Variants in ESRRB observed in about 807,000 individuals in gnomAD.
ESRRB encodes the protein estrogen related receptor beta, also known as steroid hormone receptor ERR2.
ESRRB carries 16 observed loss-of-function variants against 46.0 expected under a neutral mutation model. The ratio of observed to expected loss-of-function variants is 0.35; its 90% CI spans 0.24 to 0.53. The LOEUF is 0.53. ESRRB is among the 20% of genes least tolerant of loss of function. The probability of loss-of-function intolerance (pLI) is 0.93; values close to 1 mark genes in which losing one functional copy is unlikely to be tolerated. For synonymous variants in ESRRB, 246 were observed against 259.6 expected (o/e 0.95, Z 0.50); for missense variants, 488 against 607.4 (o/e 0.80, Z 2.07).
chr14:76,439,366 G>A lies in ESRRB; in HGVS notation c.76G>A (p.Asp26Asn), dbSNP rs748245324. The A allele has an allele frequency of 1.2e-6, 2 of 1,613,516 alleles. No homozygotes were observed. The highest frequency in any genetic ancestry group is 1.7e-5 in the Admixed American group (1 of 60,008). ...GCTGCTGAACAGGATGTCCTCGGAC[G>A]ACAGGCACCTGGGCTCCAGCTGCGG... ...NQLLNRMSSD[D>N]RHLGSSCGSF... The change falls in exon 2 of 7, where the codon GAC (aspartate) becomes AAC (asparagine). Residue 26 changes from aspartate to asparagine, a missense_variant. Asp to Asn is a conservative substitution (Grantham distance 23). Transcript: ENST00000644823.
At chr14:76,376,063 G>A (rs1884751778), upstream of ESRRB, 1 of 152,958 alleles carries the variant, frequency 6.5e-6, no homozygotes, top group Admixed American at 9.0e-5. This position sits in a 1 kb window ranked among gnomAD's most constrained non-coding sequence, Gnocchi z 4.1. Flanking sequence ...TCCAGCCCCT[G>A]AGAGATAGCC....
In ESRRB at chr14:76,405,710, C is replaced by T. The variant is rs145038653; in HGVS notation, c.50+29259C>T. ...TCCCTGCCAAGCCTCTCTGAGGTCGCGCCACTGCACTCCAGCCTGGCAACA... is the reference window on the plus strand; with the variant it reads ...TCCCTGCCAAGCCTCTCTGAGGTCGTGCCACTGCACTCCAGCCTGGCAACA... On this transcript the variant is annotated intron_variant, in intron 1 of 6. Transcript: ENST00000644823. 7.6e-3 allele frequency among the ~76,000 whole-genome samples: 1,160 copies of T among 151,730 alleles called. 8 individuals carry two copies. The highest frequency in any genetic ancestry group is 0.013 in the Non-Finnish European group (886 of 67,954).
At chr14:76,371,006 A>G (rs1365863370), upstream of ESRRB, among the ~76,000 whole-genome samples, 1 of 152,228 alleles carries the variant, frequency 6.6e-6, no homozygotes, top group Non-Finnish European at 1.5e-5. Context: ...CAGATAACGA[A>G]ATGGATGACG....
At chr14:76,432,447 T>C (rs1887488709) in intron 1 of ESRRB, among the ~76,000 whole-genome samples, 1 of 152,172 alleles carries the variant, frequency 6.6e-6, no homozygotes, top group South Asian at 2.1e-4. Context: ...CAGTTACTAT[T>C]GCAAACTTCC....
chr14:76,452,021 T>G (rs890196730), intron 2 of ESRRB, among the ~76,000 whole-genome samples: 1 of 151,836 alleles, frequency 6.6e-6, no homozygotes, highest in African/African-American at 2.4e-5. Flanking sequence ...CTTGGGTCAC[T>G]GCAACCTCCG....
intron 1 of ESRRB, among the ~76,000 whole-genome samples, chr14:76,381,250 C>CT (rs1885002748): frequency 6.6e-6 from 1 of 152,058 alleles, no homozygotes; most frequent in Non-Finnish European, 1.5e-5. Context: ...AGCAGACCAG[C>CT]TCTGGGGGAC....
intron 1 of ESRRB, among the ~76,000 whole-genome samples, chr14:76,333,095 ATT>A (rs1491188559): frequency 6.5e-5 from 1 of 15,352 alleles, no homozygotes; most frequent in East Asian, 6.0e-3. Context: ...TATATTATAT[ATT>A]ATATATAATA....
Position 76,434,982 on chromosome 14 carries a change from C to T in ESRRB, c.51-4359C>T, listed in dbSNP as rs192982914. 6.6e-5 allele frequency among the ~76,000 whole-genome samples: 10 copies of T among 152,110 alleles called. No individual in the cohort carries two copies. The East Asian group carries it at 7.7e-4, about 12-fold the overall frequency. On this transcript the variant is annotated intron_variant, in intron 1 of 6. Transcript: ENST00000644823. ...TCTGAGCTCCAGCCTTTTCCTTCTCCGAGGACTCAAGTGAATGGGACAGGC... is the reference window on the plus strand; with the variant it reads ...TCTGAGCTCCAGCCTTTTCCTTCTCTGAGGACTCAAGTGAATGGGACAGGC...
Position 76,500,174 on chromosome 14 carries a change from A to G in ESRRB, c.*1716A>G, listed in dbSNP as rs1890610987. The G allele has an allele frequency of 2.3e-6, 2 of 886,822 alleles. No homozygotes were observed. The highest frequency in any genetic ancestry group is 5.3e-5 in the East Asian group (2 of 37,718). 54.9% of individuals were successfully genotyped at this position (886,822 alleles called of 1,614,324 possible). A position where few individuals can be genotyped will look rare whatever the true frequency, so the allele number is the denominator to read the frequency against. ...GGCTGGGACGTGCTGAGGTCATCCC[A>G]GACAGGAGGGAGGGCTGGCTGAAAT... On this transcript the variant is annotated 3_prime_UTR_variant, in exon 7 of 7. Transcript: ENST00000644823.
intron 1 of ESRRB, among the ~76,000 whole-genome samples, chr14:76,365,456 G>A (rs1884508944): frequency 6.6e-6 from 1 of 152,154 alleles, no homozygotes; most frequent in East Asian, 1.9e-4. Flanking sequence ...ACTAGCCTGG[G>A]TGACAGAACA....
At chr14:76,425,286 A>C (rs1887148881) in intron 1 of ESRRB, among the ~76,000 whole-genome samples, 1 of 152,158 alleles carries the variant, frequency 6.6e-6, no homozygotes, top group South Asian at 2.1e-4. Context: ...TCACAAAAAA[A>C]CCTTTTATTT....
At chr14:76,354,758 G>C (rs1305692518) in intron 1 of ESRRB, among the ~76,000 whole-genome samples, 3 of 147,164 alleles carry the variant, frequency 2.0e-5, no homozygotes, top group African/African-American at 7.6e-5. Context: ...TGCCCAGGCT[G>C]GAGTGCAATG....
intron 1 of ESRRB, among the ~76,000 whole-genome samples, chr14:76,382,530 G>T (rs938841844): frequency 6.6e-6 from 1 of 152,244 alleles, no homozygotes; most frequent in African/African-American, 2.4e-5. Context: ...GGGCCATTCT[G>T]TTCCAGGTTC....
At chr14:76,382,256 A>G (rs967345712) in intron 1 of ESRRB, among the ~76,000 whole-genome samples, 1 of 152,084 alleles carries the variant, frequency 6.6e-6, no homozygotes, top group Non-Finnish European at 1.5e-5. Context: ...TGACTGCTAT[A>G]CCCCTTGGCT....
intron 2 of ESRRB, among the ~76,000 whole-genome samples, chr14:76,441,693 C>T (rs550716802): frequency 4.0e-4 from 61 of 152,308 alleles, no homozygotes; most frequent in African/African-American, 1.4e-3. Flanking sequence ...CTGTTGAGCA[C>T]CTACAAAGCA....
At chr14:76,424,459 A>G (rs972215725) in intron 1 of ESRRB, among the ~76,000 whole-genome samples, 1 of 152,124 alleles carries the variant, frequency 6.6e-6, no homozygotes, top group African/African-American at 2.4e-5. Flanking sequence ...AGAAAGGGCC[A>G]TGGCCATGAC....
chr14:76,368,492 C>A (rs1884553179), upstream of ESRRB, among the ~76,000 whole-genome samples: 1 of 152,166 alleles, frequency 6.6e-6, no homozygotes, highest in Admixed American at 6.5e-5. Context: ...GCTCTCCAAC[C>A]AGCGATCCTA....
intron 5 of ESRRB, among the ~76,000 whole-genome samples, chr14:76,489,467 A>ACACACACACACC (rs1890136710): frequency 6.6e-6 from 1 of 151,362 alleles, no homozygotes; most frequent in Non-Finnish European, 1.5e-5. Flanking sequence ...ACACACACAC[A>ACACACACACACC]CACACACACA....
intron 1 of ESRRB, among the ~76,000 whole-genome samples, chr14:76,398,920 T>C (rs552700421): frequency 6.6e-6 from 1 of 152,322 alleles, no homozygotes; most frequent in East Asian, 1.9e-4. Context: ...TCAGCCTCTC[T>C]GTCTGCTGAG....
Sources: allele counts gnomAD v4.1 joint callset (sites outside exome capture counted in the v4.1 genomes callset), GRCh38; gene constraint gnomAD v4.1.1; non-coding constraint Gnocchi (gnomAD v3.1); transcripts MANE v1.5; gene names NCBI Gene and HGNC (gene_info 2026-07-23, HGNC 2026-07-21).